The following GALNTL6 variants were observed in gnomAD, a reference collection of about 807,000 sequenced individuals.
The protein encoded by GALNTL6 is polypeptide N-acetylgalactosaminyltransferase like 6.
Under a neutral mutation model 73.7 loss-of-function variants are expected in GALNTL6, and 46 were observed. The ratio of observed to expected loss-of-function variants is 0.62; its 90% CI spans 0.49 to 0.80. The LOEUF (loss-of-function observed/expected upper bound fraction) is 0.80, where lower values mean the gene tolerates loss of function less well. GALNTL6 is among the 30% of genes least tolerant of loss of function. The pLI is 0.00. For missense variants in GALNTL6, 604 were observed against 755.0 expected, an observed-to-expected ratio of 0.80 and a Z score of 2.34; for synonymous variants, 259 against 263.7, an observed-to-expected ratio of 0.98 and a Z score of 0.17.
intron 5 of GALNTL6, among the ~76,000 whole-genome samples, chr4:172,609,157 GA>G (rs1738420333): frequency 6.6e-6 from 1 of 152,062 alleles, no homozygotes; most frequent in Admixed American, 6.6e-5. Flanking sequence ...GCTCGGGCTA[GA>G]ATTTCTAGTA....
chr4:171,814,754 G>A (rs1257454487), intron 2 of GALNTL6, 36 bp downstream of exon 2: 1 of 1,608,026 alleles, frequency 6.2e-7, no homozygotes, highest in South Asian at 1.1e-5. Context: ...CACAAGGATT[G>A]GTAAGGCAGT....
intron 5 of GALNTL6, among the ~76,000 whole-genome samples, chr4:172,621,427 T>C (rs1357128270): frequency 1.3e-5 from 2 of 152,044 alleles, no homozygotes; most frequent in African/African-American, 4.8e-5. Flanking sequence ...GCAGGTTAGT[T>C]CTTGTCTTTC....
intron 5 of GALNTL6, among the ~76,000 whole-genome samples, chr4:172,756,197 G>A (rs1004785257): frequency 1.3e-5 from 2 of 152,186 alleles, no homozygotes; most frequent in Non-Finnish European, 2.9e-5. Flanking sequence ...ATTGGCACTT[G>A]AAGTGGACTA....
intron 2 of GALNTL6, among the ~76,000 whole-genome samples, chr4:172,004,585 C>T (rs150292773): frequency 1.8e-3 from 276 of 152,016 alleles, no homozygotes; most frequent in Non-Finnish European, 3.3e-3. Context: ...TAAAACTCAG[C>T]ATATGTACAA....
At chr4:172,259,624 T>C (rs2134663) in intron 3 of GALNTL6, among the ~76,000 whole-genome samples, 54,328 of 151,326 alleles carry the variant, frequency 0.36, 9,810 homozygotes, top group Non-Finnish European at 0.38. Flanking sequence ...TTAAGTTCCA[T>C]CTATTTATTT....
At chr4:172,253,535 G>A (rs1737953814) in intron 3 of GALNTL6, among the ~76,000 whole-genome samples, 1 of 151,900 alleles carries the variant, frequency 6.6e-6, no homozygotes, top group South Asian at 2.1e-4. Flanking sequence ...AAGGAGAAAT[G>A]ACAATAGTGT....
At chr4:172,486,322 A>G (rs1160534083) in intron 5 of GALNTL6, among the ~76,000 whole-genome samples, 1 of 152,184 alleles carries the variant, frequency 6.6e-6, no homozygotes, top group Non-Finnish European at 1.5e-5. Flanking sequence ...TATAAAGTCA[A>G]AGAAAGTTGT....
At chr4:172,450,839 A>G (rs185379438) in intron 5 of GALNTL6, among the ~76,000 whole-genome samples, 21 of 152,324 alleles carry the variant, frequency 1.4e-4, no homozygotes, top group African/African-American at 5.1e-4. Context: ...CTTCTCAGAG[A>G]AGTCTTTCCT....
At chr4:172,113,361 A>G (rs1732906399) in intron 2 of GALNTL6, among the ~76,000 whole-genome samples, 1 of 152,080 alleles carries the variant, frequency 6.6e-6, no homozygotes, top group Non-Finnish European at 1.5e-5. Flanking sequence ...TACACAGAAA[A>G]TAACAAGAGG....
At chr4:172,593,735 G>A (rs564635429) in intron 5 of GALNTL6, among the ~76,000 whole-genome samples, 19 of 150,460 alleles carry the variant, frequency 1.3e-4, no homozygotes, top group Admixed American at 4.0e-4. Context: ...TTTTTTGTTT[G>A]TTTTGTTTTT....
At chr4:172,928,042 T>C (rs1367724231) in intron 8 of GALNTL6, among the ~76,000 whole-genome samples, 1 of 152,204 alleles carries the variant, frequency 6.6e-6, no homozygotes, top group African/African-American at 2.4e-5. Flanking sequence ...AAAGTTAGTG[T>C]TTGAAAGGAT....
chr4:172,450,225 A>C (rs13151154), intron 5 of GALNTL6, among the ~76,000 whole-genome samples: 21,871 of 150,836 alleles, frequency 0.14, 1,865 homozygotes, highest in Non-Finnish European at 0.2. Context: ...TAAAAAAAAA[A>C]AAAAACAAAC....
At chr4:172,503,563 G>A (rs1246506538) in intron 5 of GALNTL6, among the ~76,000 whole-genome samples, 2 of 78,178 alleles carry the variant, frequency 2.6e-5, no homozygotes, top group African/African-American at 7.6e-5. Flanking sequence ...TTAGTTTTTT[G>A]TGAAAAGACT....
chr4:172,982,536 G>A (rs1751112281), intron 10 of GALNTL6, among the ~76,000 whole-genome samples: 1 of 152,238 alleles, frequency 6.6e-6, no homozygotes, highest in African/African-American at 2.4e-5. Flanking sequence ...CTGAAAGTCA[G>A]AAGAGATGCT....
intron 5 of GALNTL6, among the ~76,000 whole-genome samples, chr4:172,589,870 C>CT: frequency 6.6e-6 from 1 of 152,084 alleles, no homozygotes; most frequent in Non-Finnish European, 1.5e-5. Flanking sequence ...GTTGTACTGT[C>CT]TTTTTTGGAA....
intron 5 of GALNTL6, among the ~76,000 whole-genome samples, chr4:172,589,824 A>G (rs58558837): frequency 0.038 from 5,722 of 152,176 alleles, 264 homozygotes; most frequent in African/African-American, 0.1. Context: ...GTGTTAGTGC[A>G]TGCAGTCTCT....
intron 2 of GALNTL6, among the ~76,000 whole-genome samples, chr4:172,163,674 T>G (rs982459289): frequency 1.3e-5 from 2 of 152,050 alleles, no homozygotes; most frequent in African/African-American, 4.8e-5. Flanking sequence ...TTCTTTACGT[T>G]AAACTTTGAA....
intron 2 of GALNTL6, among the ~76,000 whole-genome samples, chr4:172,021,760 A>G (rs1351864470): frequency 6.6e-6 from 1 of 152,076 alleles, no homozygotes; most frequent in Admixed American, 6.6e-5. Flanking sequence ...CCAATGAAAC[A>G]TAATAGAGAA....
intron 9 of GALNTL6, among the ~76,000 whole-genome samples, chr4:172,948,618 A>ATTTTTTTT (rs369982668): frequency 2.9e-5 from 4 of 136,542 alleles, no homozygotes; most frequent in Non-Finnish European, 4.7e-5. Flanking sequence ...AGCCTCGCTA[A>ATTTTTTTT]TTTTTTTTTT....
Sources: gnomAD v4.1 joint callset for allele counts (sites outside exome capture counted in the v4.1 genomes callset) on GRCh38, gnomAD v4.1.1 for gene constraint, MANE v1.5 for transcripts, NCBI Gene and HGNC (gene_info 2026-07-23, HGNC 2026-07-21) for gene names.